Variants in SHISA9 observed in about 807,000 individuals in gnomAD.
SHISA9 encodes protein shisa-9.
A neutral mutation model predicts 38.0 loss-of-function variants in SHISA9; 13 were observed. The ratio of observed to expected loss-of-function variants is 0.34; its 90% CI spans 0.22 to 0.54. The LOEUF is 0.54. SHISA9 is among the 20% of genes least tolerant of loss of function. SHISA9 has a pLI of 0.91. For missense variants in SHISA9, 538 were observed against 575.8 expected, an observed-to-expected ratio of 0.93 and a Z score of 0.67; for synonymous variants, 275 against 242.0, an observed-to-expected ratio of 1.14 and a Z score of -1.27.
chr16:12,959,858 G>T, intron 2 of SHISA9, among the ~76,000 whole-genome samples: 1 of 152,188 alleles, frequency 6.6e-6, no homozygotes, highest in East Asian at 1.9e-4. Flanking sequence ...CTACATATGA[G>T]TTTGGGGGAG....
At chr16:13,025,366 C>T (rs117782965) in intron 2 of SHISA9, among the ~76,000 whole-genome samples, 2,675 of 152,326 alleles carry the variant, frequency 0.018, 21 homozygotes, top group Middle Eastern at 0.031. Context: ...GCCTGGCAAT[C>T]TGTATTCACA....
intron 2 of SHISA9, among the ~76,000 whole-genome samples, chr16:13,193,125 G>T (rs1156847389): frequency 6.6e-6 from 1 of 152,144 alleles, no homozygotes; most frequent in Non-Finnish European, 1.5e-5. Flanking sequence ...GAACTTCCAG[G>T]CTCTTCTTGA....
the SHISA9 span, among the ~76,000 whole-genome samples, chr16:13,476,741 T>G: frequency 2.9e-5 from 3 of 103,558 alleles, no homozygotes; most frequent in African/African-American, 5.0e-5. Context: ...GTTTTGTGTT[T>G]TTTTTTTTTT....
chr16:13,512,570 A>T, the SHISA9 span, among the ~76,000 whole-genome samples: 1 of 152,208 alleles, frequency 6.6e-6, no homozygotes, highest in Non-Finnish European at 1.5e-5. Context: ...AAGCAAAAAG[A>T]ACGAAGCTGG....
chr16:13,439,359 A>G, the SHISA9 span, among the ~76,000 whole-genome samples: 1 of 152,126 alleles, frequency 6.6e-6, no homozygotes, highest in South Asian at 2.1e-4. Flanking sequence ...GATCTTAAGT[A>G]TTCTCACCAA....
the SHISA9 span, among the ~76,000 whole-genome samples, chr16:13,481,316 G>A: frequency 9.2e-5 from 14 of 152,000 alleles, no homozygotes; most frequent in African/African-American, 3.4e-4. Flanking sequence ...TCTATATGTT[G>A]GGTACATTGA....
rs549549831 is a variant in SHISA9, at chr16:13,070,387, C to T, written c.692-133007C>T. 6.6e-5 allele frequency among the ~76,000 whole-genome samples: 10 copies of T among 152,288 alleles called. No homozygotes were observed. In the East Asian group the frequency reaches 1.7e-3, roughly 27 times the overall value. On this transcript the variant is annotated intron_variant, in intron 2 of 4. Transcript: ENST00000558583. ...GGTTGCCTAGGAAACCACCGCAGGG[C>T]GAGCACATGCGATTGGCCAGGCTGG...
the SHISA9 span, among the ~76,000 whole-genome samples, chr16:13,547,162 T>G: frequency 2.6e-5 from 4 of 152,342 alleles, no homozygotes; most frequent in East Asian, 7.7e-4. Context: ...AAATATTTAT[T>G]GAATATCTAC....
At chr16:12,956,070 A>G (rs1436980914) in intron 2 of SHISA9, among the ~76,000 whole-genome samples, 1 of 152,236 alleles carries the variant, frequency 6.6e-6, no homozygotes, top group African/African-American at 2.4e-5. Flanking sequence ...AGAAACAAAC[A>G]ACCCCGTTAA....
the SHISA9 span, among the ~76,000 whole-genome samples, chr16:13,401,614 C>T: frequency 1.3e-5 from 2 of 151,300 alleles, no homozygotes; most frequent in Non-Finnish European, 3.0e-5. Context: ...AGAGACACTA[C>T]AGCTTTCTAT....
the SHISA9 span, among the ~76,000 whole-genome samples, chr16:13,461,682 C>T: frequency 3.0e-5 from 4 of 135,386 alleles, no homozygotes; most frequent in South Asian, 2.5e-4. Context: ...GGCATGATCT[C>T]GGCTCACTGC....
chr16:13,345,797 C>A, the SHISA9 span, among the ~76,000 whole-genome samples: 4 of 152,142 alleles, frequency 2.6e-5, no homozygotes, highest in Non-Finnish European at 5.9e-5. Context: ...GCCATTCTGA[C>A]TGTTGTTAGA....
the SHISA9 span, among the ~76,000 whole-genome samples, chr16:13,262,947 T>C: frequency 6.6e-6 from 1 of 152,126 alleles, no homozygotes; most frequent in Non-Finnish European, 1.5e-5. Flanking sequence ...ATGCCTTGCA[T>C]TCCCACTTCA....
At chr16:12,940,395 C>T (rs955088187) in intron 2 of SHISA9, among the ~76,000 whole-genome samples, 3 of 152,064 alleles carry the variant, frequency 2.0e-5, no homozygotes, top group Admixed American at 6.6e-5. Context: ...TTTCCTTATT[C>T]GGGAATAGGT....
intron 1 of SHISA9, among the ~76,000 whole-genome samples, chr16:12,913,349 A>C (rs1280604839): frequency 6.6e-6 from 1 of 152,084 alleles, no homozygotes; most frequent in Non-Finnish European, 1.5e-5. Flanking sequence ...GGTGCCCACC[A>C]CCACGCCCAG....
chr16:12,972,405 C>T (rs2072096662), intron 2 of SHISA9, among the ~76,000 whole-genome samples: 1 of 152,150 alleles, frequency 6.6e-6, no homozygotes, highest in African/African-American at 2.4e-5. Flanking sequence ...TCATCTTCCT[C>T]ACCCACACCT....
the SHISA9 span, among the ~76,000 whole-genome samples, chr16:13,455,826 A>G: frequency 6.6e-6 from 1 of 152,140 alleles, no homozygotes; most frequent in Admixed American, 6.5e-5. Flanking sequence ...TGTTTGAAGA[A>G]ATGAAGGGAA....
the SHISA9 span, among the ~76,000 whole-genome samples, chr16:13,328,001 G>C: frequency 8.9e-4 from 135 of 152,198 alleles, no homozygotes; most frequent in African/African-American, 3.1e-3. Flanking sequence ...ATCTTTCATC[G>C]TACTCATAAC....
At chr16:13,126,807 A>G (rs951206498) in intron 2 of SHISA9, among the ~76,000 whole-genome samples, 2 of 133,494 alleles carry the variant, frequency 1.5e-5, no homozygotes, top group African/African-American at 5.3e-5. Context: ...GGGAGGAGAG[A>G]GAGAGAGAGA....
Sources: allele counts gnomAD v4.1 joint callset (sites outside exome capture counted in the v4.1 genomes callset), GRCh38; gene constraint gnomAD v4.1.1; transcripts MANE v1.5; gene names NCBI Gene and HGNC (gene_info 2026-07-23, HGNC 2026-07-21).